Variants in ACTR3 observed in about 807,000 individuals in gnomAD.
ACTR3 encodes the protein actin related protein 3, also known as actin-related protein 3.
In ACTR3, 12 loss-of-function variants were observed where a neutral mutation model predicts 56.8. The ratio of observed to expected loss-of-function variants is 0.21; its 90% CI spans 0.14 to 0.34. ACTR3 has a LOEUF of 0.34. Among genes scored for constraint, ACTR3 ranks in the 10% least tolerant of loss-of-function variants. The pLI, the probability that ACTR3 is intolerant of heterozygous loss-of-function variation, is 1.00. For missense variants in ACTR3, 282 were observed against 512.5 expected, an observed-to-expected ratio of 0.55 and a Z score of 4.34; for synonymous variants, 162 against 167.4, an observed-to-expected ratio of 0.97 and a Z score of 0.25.
rs1679784562 is a variant in ACTR3, at chr2:113,934,259, C to CTTCT, written c.433-13_433-10dup. The CTTCT allele has an allele frequency of 4.2e-6, 4 of 961,672 alleles. No individual in the cohort carries two copies. The highest frequency in any genetic ancestry group is 8.3e-5 in the Admixed American group (2 of 24,014). The allele number at this position is 961,672 out of a possible 1,614,324, so 59.6% of individuals were successfully genotyped here. A position where few individuals can be genotyped will look rare whatever the true frequency, so the allele number is the denominator to read the frequency against. ...TTTTTTTTTTTGTTTTTTTGCCTTT[C>CTTCT]TTCTTTCTTTGTGCTCAAGGCTGTT... On this transcript the variant is annotated intron_variant, in intron 5 of 11. Transcript: ENST00000263238.
At chr2:113,925,077 A>C (rs1679591124) in intron 3 of ACTR3, among the ~76,000 whole-genome samples, 1 of 151,314 alleles carries the variant, frequency 6.6e-6, no homozygotes, top group Non-Finnish European at 1.5e-5. Context: ...TTGTATTTTC[A>C]GTGGAGATGG....
intron 3 of ACTR3, among the ~76,000 whole-genome samples, chr2:113,924,554 G>A (rs1679581100): frequency 6.6e-6 from 1 of 151,996 alleles, no homozygotes; most frequent in African/African-American, 2.4e-5. Context: ...AAATTTCTCT[G>A]CTGTTTTATT....
In ACTR3 at chr2:113,961,855, G is replaced by A. The variant is rs1680331693; in HGVS notation, c.*4400G>A. On this transcript the variant is annotated 3_prime_UTR_variant, in exon 12 of 12. Transcript: ENST00000263238. ...GTCCAGCTATGTAAGGTGAAAGTGG[G>A]GCTTATAAAAGTGGATCTATTGTTT... The A allele has an allele frequency of 6.6e-6, 1 of 151,880 alleles. No individual in the cohort carries two copies. The highest frequency in any genetic ancestry group is 2.4e-5 in the African/African-American group (1 of 41,398). 9.4% of individuals were successfully genotyped at this position (151,880 alleles called of 1,614,324 possible). A position where few individuals can be genotyped will look rare whatever the true frequency, so the allele number is the denominator to read the frequency against.
chr2:113,924,791 C>T (rs570030005), intron 3 of ACTR3, among the ~76,000 whole-genome samples: 1 of 152,132 alleles, frequency 6.6e-6, no homozygotes, highest in South Asian at 2.1e-4. Flanking sequence ...AAAAAAAAAG[C>T]CAGAAAGCAG....
At chr2:113,940,261 T>G (rs1679900338) in intron 7 of ACTR3, 159 bp downstream of exon 7, 1 of 548,706 alleles carries the variant, frequency 1.8e-6, no homozygotes, top group Middle Eastern at 5.2e-4. Flanking sequence ...TTTGTGTTTC[T>G]TAAAAGAAAA....
At chr2:113,930,669 T>G (rs1236195296) in intron 4 of ACTR3, among the ~76,000 whole-genome samples, 1 of 152,234 alleles carries the variant, frequency 6.6e-6, no homozygotes, top group Admixed American at 6.5e-5. Flanking sequence ...CTCTGAGTCC[T>G]TCCTTGCCTC....
intron 6 of ACTR3, among the ~76,000 whole-genome samples, chr2:113,935,877 C>T (rs139240547): frequency 2.4e-4 from 37 of 152,236 alleles, no homozygotes; most frequent in Admixed American, 2.0e-4. Context: ...TGCCTTTCTT[C>T]AGTCTTTTCT....
At chr2:113,911,223 C>T (rs937526835) in intron 1 of ACTR3, among the ~76,000 whole-genome samples, 10 of 151,468 alleles carry the variant, frequency 6.6e-5, no homozygotes, top group African/African-American at 2.4e-4. Flanking sequence ...GTCAGGGCAG[C>T]TGGGAGAGGT....
chr2:113,936,356 G>A (rs1190006913), intron 6 of ACTR3, among the ~76,000 whole-genome samples: 1 of 138,632 alleles, frequency 7.2e-6, no homozygotes, highest in African/African-American at 2.7e-5. Flanking sequence ...CCTTTTTATT[G>A]TTTACTTTTC....
intron 8 of ACTR3, among the ~76,000 whole-genome samples, chr2:113,946,877 C>T (rs912899440): frequency 2.0e-5 from 3 of 152,144 alleles, no homozygotes; most frequent in African/African-American, 7.2e-5. Context: ...GGAAGGGAAC[C>T]GAGGAGGGTG....
intron 1 of ACTR3, among the ~76,000 whole-genome samples, chr2:113,912,824 A>C (rs1406251614): frequency 6.6e-6 from 1 of 152,240 alleles, no homozygotes; most frequent in Non-Finnish European, 1.5e-5. Context: ...AATATTCCAT[A>C]GTATAAACTT....
At chr2:113,903,745 C>T (rs1020876372) in intron 1 of ACTR3, among the ~76,000 whole-genome samples, 5 of 152,040 alleles carry the variant, frequency 3.3e-5, no homozygotes, top group South Asian at 2.1e-4. Context: ...CTACCCACTT[C>T]GGCCTCCCTA....
intron 1 of ACTR3, among the ~76,000 whole-genome samples, chr2:113,908,593 G>T (rs776346733): frequency 6.6e-6 from 1 of 151,474 alleles, no homozygotes; most frequent in Non-Finnish European, 1.5e-5. Context: ...GCATTAAAAA[G>T]TATTTTTTTA....
intron 6 of ACTR3, among the ~76,000 whole-genome samples, chr2:113,939,083 G>A (rs1236000731): frequency 6.6e-6 from 1 of 151,552 alleles, no homozygotes; most frequent in East Asian, 1.9e-4. Context: ...GAGTGCAGTG[G>A]TGCGATCTCG....
At chr2:113,927,702 A>G (rs1679646485) in intron 4 of ACTR3, among the ~76,000 whole-genome samples, 1 of 152,204 alleles carries the variant, frequency 6.6e-6, no homozygotes, top group South Asian at 2.1e-4. Flanking sequence ...TTATGATAGA[A>G]ACAGTAAGTA....
chr2:113,926,125 G>A (rs141248653), intron 3 of ACTR3, among the ~76,000 whole-genome samples: 84 of 152,324 alleles, frequency 5.5e-4, no homozygotes, highest in African/African-American at 2.0e-3. Context: ...GCATCGCTCA[G>A]CTTCTCAAAC....
chr2:113,913,670 A>T (rs935432264), intron 2 of ACTR3, among the ~76,000 whole-genome samples: 5 of 152,210 alleles, frequency 3.3e-5, no homozygotes, highest in African/African-American at 1.2e-4. Context: ...GGATGGAAGG[A>T]CAATATCTCA....
At chr2:113,930,740 C>T (rs193075595) in intron 4 of ACTR3, among the ~76,000 whole-genome samples, 1 of 152,332 alleles carries the variant, frequency 6.6e-6, no homozygotes. Context: ...TATACAGTCA[C>T]ATAAACAGAA....
rs577701937 is a variant in ACTR3 at position 113,902,572 on chromosome 2, A to G, written c.45-10600A>G. On this transcript the variant is annotated intron_variant, in intron 1 of 11. Coordinates refer to ENST00000263238, the MANE Select transcript of ACTR3 (RefSeq NM_005721.5). ...TTCTATATATTTAACTTGTTTCTCT[A>G]GATCACAAAGAGACATTTTTGGTTT... 2.0e-4 allele frequency among the ~76,000 whole-genome samples: 31 copies of G among 151,552 alleles called. No homozygotes were observed. In the South Asian group the frequency reaches 4.2e-3, roughly 20 times the overall value.
Sources: allele counts gnomAD v4.1 joint callset (sites outside exome capture counted in the v4.1 genomes callset), GRCh38; gene constraint gnomAD v4.1.1; transcripts MANE v1.5; gene names NCBI Gene and HGNC (gene_info 2026-07-23, HGNC 2026-07-21).